The following DSCAM variants were observed in gnomAD, a reference collection of about 807,000 sequenced individuals.
DSCAM encodes DS cell adhesion molecule.
Under a neutral mutation model 217.7 loss-of-function variants are expected in DSCAM, and 47 were observed. That is an observed-to-expected ratio of 0.22 (90% confidence interval 0.17 to 0.28). DSCAM has a LOEUF of 0.28. Ranked by LOEUF, DSCAM falls within the 10% of genes least tolerant of loss-of-function variation. The pLI is 1.00. For missense variants in DSCAM, 2,080 were observed against 2,618.3 expected (o/e 0.79, Z 4.49); for synonymous variants, 1,056 against 1,015.3 (o/e 1.04, Z -0.76).
At chr21:40,013,987 G>T (rs1227567972) in intron 32 of DSCAM, among the ~76,000 whole-genome samples, 3 of 152,232 alleles carry the variant, frequency 2.0e-5, no homozygotes, top group African/African-American at 7.2e-5. Flanking sequence ...GCCATGCTGT[G>T]TATAGAGATG....
At position 40,369,558 on chromosome 21, in the gene DSCAM, G is replaced by A. The variant is rs77528693; in HGVS notation, c.509-313C>T. Among the ~76,000 whole-genome samples, 821 of 152,146 alleles carry A rather than the reference G, an allele frequency of 5.4e-3. 11 individuals are homozygous for A. Among genetic ancestry groups the A allele is most frequent in the African/African-American group, 0.019 (780 of 41,514 alleles). On this transcript the variant is annotated intron_variant, in intron 3 of 32. Transcript: ENST00000400454. ...TTTTAGATCATGCATTTATCTTACA[G>A]CAACGAAGTTGTCATATAATTGGTA...
chr21:40,352,596 G>T (rs192371763), intron 5 of DSCAM, among the ~76,000 whole-genome samples: 1 of 152,252 alleles, frequency 6.6e-6, no homozygotes, highest in Admixed American at 6.5e-5. Context: ...GAGGAAGTAA[G>T]AAAACACTTC....
chr21:40,482,533 G>A (rs955445048), intron 3 of DSCAM, among the ~76,000 whole-genome samples: 8 of 152,110 alleles, frequency 5.3e-5, no homozygotes, highest in Non-Finnish European at 1.2e-4. Flanking sequence ...AACATTTTGT[G>A]TTTTAAAAAT....
At chr21:40,121,518 C>T (rs1422524085) in intron 20 of DSCAM, among the ~76,000 whole-genome samples, 1 of 152,118 alleles carries the variant, frequency 6.6e-6, no homozygotes, top group Non-Finnish European at 1.5e-5. Flanking sequence ...CTCCTTGTAA[C>T]ACTTTCTAGG....
chr21:40,538,948 T>C (rs2076521545), intron 3 of DSCAM, among the ~76,000 whole-genome samples: 2 of 152,034 alleles, frequency 1.3e-5, no homozygotes, highest in Admixed American at 1.3e-4. Flanking sequence ...CAAAGGAAAA[T>C]CAACTCGTAA....
intron 3 of DSCAM, among the ~76,000 whole-genome samples, chr21:40,660,740 G>C (rs2090129941): frequency 6.6e-6 from 1 of 152,196 alleles, no homozygotes; most frequent in Non-Finnish European, 1.5e-5. Context: ...TAAGCTGAGA[G>C]CATGTCTGCT....
At chr21:40,146,349 C>T (rs1370109749) in intron 16 of DSCAM, among the ~76,000 whole-genome samples, 1 of 151,888 alleles carries the variant, frequency 6.6e-6, no homozygotes, top group East Asian at 1.9e-4. Context: ...ACCTGCCCAG[C>T]GGTAAGTCAG....
At chr21:40,337,788 A>G (rs1399832658) in intron 8 of DSCAM, among the ~76,000 whole-genome samples, 1 of 152,188 alleles carries the variant, frequency 6.6e-6, no homozygotes, top group Non-Finnish European at 1.5e-5. Flanking sequence ...TTTATTTAAA[A>G]ATTATCTGAG....
At chr21:40,481,630 G>A (rs551035337) in intron 3 of DSCAM, among the ~76,000 whole-genome samples, 150 of 151,738 alleles carry the variant, frequency 9.9e-4, no homozygotes, top group African/African-American at 2.9e-3. Context: ...AGTATGAGTG[G>A]AAATGACCAA....
At chr21:40,562,684 T>A (rs2076729745) in intron 3 of DSCAM, among the ~76,000 whole-genome samples, 1 of 152,226 alleles carries the variant, frequency 6.6e-6, no homozygotes, top group South Asian at 2.1e-4. Flanking sequence ...CACAAAATTA[T>A]ACAGACCTTA....
intron 24 of DSCAM, among the ~76,000 whole-genome samples, chr21:40,081,273 G>T (rs1344708390): frequency 6.6e-6 from 1 of 152,090 alleles, no homozygotes; most frequent in Non-Finnish European, 1.5e-5. Context: ...ACAACGGGTT[G>T]GTACCTTCTA....
intron 3 of DSCAM, among the ~76,000 whole-genome samples, chr21:40,431,438 C>T (rs556299849): frequency 5.3e-5 from 8 of 149,610 alleles, no homozygotes; most frequent in Admixed American, 6.6e-5. Context: ...AATGTGAAGA[C>T]GATGAGGACA....
intron 3 of DSCAM, among the ~76,000 whole-genome samples, chr21:40,423,517 A>T (rs1403197078): frequency 1.3e-5 from 2 of 152,234 alleles, no homozygotes; most frequent in African/African-American, 4.8e-5. Context: ...GGGCCAGCCT[A>T]CAAAGTCCTA....
intron 3 of DSCAM, among the ~76,000 whole-genome samples, chr21:40,382,412 G>C (rs2075035716): frequency 6.6e-6 from 1 of 152,100 alleles, no homozygotes; most frequent in Non-Finnish European, 1.5e-5. Flanking sequence ...TCAAACACAT[G>C]CTTTGAGACC....
intron 1 of DSCAM, among the ~76,000 whole-genome samples, chr21:40,837,984 C>A (rs879627903): frequency 6.6e-6 from 1 of 152,124 alleles, no homozygotes; most frequent in Non-Finnish European, 1.5e-5. Context: ...CTCTATGGAA[C>A]CCAAGATCAA....
intron 1 of DSCAM, among the ~76,000 whole-genome samples, chr21:40,805,068 A>G (rs2091774070): frequency 6.6e-6 from 1 of 152,120 alleles, no homozygotes; most frequent in Admixed American, 6.5e-5. Flanking sequence ...CCCAACTCCT[A>G]GGGAGCTGTC....
In DSCAM at chr21:40,485,792, T is replaced by C. The variant is rs7280324; in HGVS notation, c.509-116547A>G. ...TTGTGTGTCAAATGTATATTTTATA[T>C]TGTATGTTATTATATATTTATATAC... On this transcript the variant is annotated intron_variant, in intron 3 of 32. Transcript: ENST00000400454. Among the ~76,000 whole-genome samples the C allele has an allele frequency of 3.3e-3, 497 of 152,258 alleles. 5 individuals are homozygous for C. The highest frequency in any genetic ancestry group is 0.011 in the African/African-American group (476 of 41,556).
chr21:40,596,152 G>A (rs934216651), intron 3 of DSCAM, among the ~76,000 whole-genome samples: 12 of 152,252 alleles, frequency 7.9e-5, no homozygotes, highest in East Asian at 1.9e-4. Context: ...CCCTAATATC[G>A]TCACATCAAC....
At chr21:40,688,060 A>G (rs989961922) in intron 3 of DSCAM, among the ~76,000 whole-genome samples, 10 of 152,226 alleles carry the variant, frequency 6.6e-5, no homozygotes, top group African/African-American at 2.4e-4. Context: ...CCTGAACTCA[A>G]TGATCCTAAG....
Sources: gnomAD v4.1 joint callset for allele counts (sites outside exome capture counted in the v4.1 genomes callset) on GRCh38, gnomAD v4.1.1 for gene constraint, MANE v1.5 for transcripts, NCBI Gene and HGNC (gene_info 2026-07-23, HGNC 2026-07-21) for gene names.